The following CNTN1 variants were observed in gnomAD, a reference collection of about 807,000 sequenced individuals.
CNTN1 encodes contactin 1.
CNTN1 carries 38 observed loss-of-function variants against 126.4 expected under a neutral mutation model. The observed-to-expected ratio is 0.30, with a 90% CI of 0.23 to 0.39. The LOEUF (loss-of-function observed/expected upper bound fraction) is 0.39. Ranked by LOEUF, CNTN1 falls within the 10% of genes least tolerant of loss-of-function variation. CNTN1 has a pLI of 1.00. For synonymous variants in CNTN1, 413 were observed against 422.6 expected, an observed-to-expected ratio of 0.98 and a Z score of 0.28; for missense variants, 1,009 against 1,248.4, an observed-to-expected ratio of 0.81 and a Z score of 2.89.
chr12:41,056,608 A>C (rs1949807031), intron 23 of CNTN1, among the ~76,000 whole-genome samples: 1 of 152,012 alleles, frequency 6.6e-6, no homozygotes, highest in African/African-American at 2.4e-5. Flanking sequence ...TCCAACTCCA[A>C]ACCAAATTTT....
intron 23 of CNTN1, among the ~76,000 whole-genome samples, chr12:41,059,576 T>C (rs1190169351): frequency 6.6e-6 from 1 of 152,184 alleles, no homozygotes; most frequent in African/African-American, 2.4e-5. Context: ...TTTACTGTCT[T>C]TTAGGTATGT....
At chr12:40,881,987 A>C (rs1262676269) in intron 1 of CNTN1, among the ~76,000 whole-genome samples, 2 of 151,794 alleles carry the variant, frequency 1.3e-5, no homozygotes. Context: ...TGATCAGAGA[A>C]CAGCGTTTTT....
chr12:40,829,267 G>A (rs1941726084), intron 1 of CNTN1, among the ~76,000 whole-genome samples: 1 of 151,612 alleles, frequency 6.6e-6, no homozygotes, highest in South Asian at 2.1e-4. Context: ...TATTACTAGT[G>A]AATATATATA....
intron 1 of CNTN1, among the ~76,000 whole-genome samples, chr12:40,841,295 C>A (rs1027410980): frequency 2.0e-5 from 3 of 151,878 alleles, no homozygotes; most frequent in African/African-American, 7.2e-5. Flanking sequence ...AATAAAAAGT[C>A]TCTCAACATA....
chr12:40,754,528 A>T (rs1938525330), intron 1 of CNTN1, among the ~76,000 whole-genome samples: 1 of 151,568 alleles, frequency 6.6e-6, no homozygotes. Flanking sequence ...ATCCTTTTTT[A>T]TCCACAGTTG....
At chr12:40,938,203 G>A (rs949645900) in intron 11 of CNTN1, among the ~76,000 whole-genome samples, 1 of 152,158 alleles carries the variant, frequency 6.6e-6, no homozygotes, top group African/African-American at 2.4e-5. Context: ...TAAATGTGTG[G>A]ATGCTGAGGA....
intron 1 of CNTN1, among the ~76,000 whole-genome samples, chr12:40,891,848 T>G (rs1944250068): frequency 6.6e-6 from 1 of 152,128 alleles, no homozygotes; most frequent in South Asian, 2.1e-4. Context: ...CCAGCTTTGC[T>G]CTTTTTCTTC....
rs150547263 is a variant in CNTN1 at position 40,980,931 on chromosome 12, T to C, written c.1827T>C (p.Gly609=). ...VVRGPPGPPG[G]LRIEDIRATS... ...CAGGCCCTCCAGGCCCTCCAGGTGG[T>C]CTGAGAATAGAAGACATTAGAGCCA... Residue 609 remains glycine, a synonymous_variant, in exon 16 of 24, where the codon GGT becomes GGC. Coordinates refer to ENST00000551295, the MANE Select transcript of CNTN1 (RefSeq NM_001843.4). 2.6e-5 allele frequency: 42 copies of C among 1,613,864 alleles called. No homozygotes were observed. Among genetic ancestry groups the C allele is most frequent in the Non-Finnish European group, 3.3e-5 (39 of 1,179,942 alleles).
At chr12:40,786,109 G>A (rs6581955) in intron 1 of CNTN1, among the ~76,000 whole-genome samples, 121,774 of 152,234 alleles carry the variant, frequency 0.8, 49,010 homozygotes, top group South Asian at 0.86. Flanking sequence ...GACTAAAATC[G>A]AGGTATTGTT....
At chr12:40,968,156 C>A (rs1158418432) in intron 15 of CNTN1, among the ~76,000 whole-genome samples, 1 of 152,050 alleles carries the variant, frequency 6.6e-6, no homozygotes, top group African/African-American at 2.4e-5. Flanking sequence ...GGTTTGAATG[C>A]AGACAGTCTA....
intron 1 of CNTN1, among the ~76,000 whole-genome samples, chr12:40,903,620 C>G (rs766839723): frequency 6.6e-6 from 1 of 152,098 alleles, no homozygotes; most frequent in Non-Finnish European, 1.5e-5. Context: ...CACAATAGAA[C>G]AGATCACCAG....
chr12:41,014,074 T>C (rs542925529), intron 17 of CNTN1, among the ~76,000 whole-genome samples, 154 bp from the exon 18 acceptor site: 1 of 152,368 alleles, frequency 6.6e-6, no homozygotes, highest in South Asian at 2.1e-4. Context: ...GAGCCATTGT[T>C]ATTATAATTG....
At chr12:40,755,175 A>C (rs1938550120) in intron 1 of CNTN1, among the ~76,000 whole-genome samples, 1 of 133,464 alleles carries the variant, frequency 7.5e-6, no homozygotes, top group African/African-American at 2.9e-5. Context: ...AGGGCAACAG[A>C]GTGAGACCCC....
chr12:41,028,194 G>C (rs1949074660), intron 22 of CNTN1, among the ~76,000 whole-genome samples: 1 of 151,980 alleles, frequency 6.6e-6, no homozygotes, highest in Non-Finnish European at 1.5e-5. Context: ...CCCACACCCG[G>C]CTAATTTTTG....
At chr12:40,712,987 G>C (rs1592000493) in intron 1 of CNTN1, among the ~76,000 whole-genome samples, 1 of 151,970 alleles carries the variant, frequency 6.6e-6, no homozygotes, top group Admixed American at 6.6e-5. Context: ...AAAAAGTCTG[G>C]CACTTCCCTT....
At chr12:40,744,718 G>C (rs775895854) in intron 1 of CNTN1, among the ~76,000 whole-genome samples, 1 of 152,116 alleles carries the variant, frequency 6.6e-6, no homozygotes, top group Non-Finnish European at 1.5e-5. Context: ...GGATTAAAAG[G>C]TGGAAAGAAT....
chr12:40,763,862 A>G (rs1192655292), intron 1 of CNTN1, among the ~76,000 whole-genome samples: 2 of 152,220 alleles, frequency 1.3e-5, no homozygotes, highest in Non-Finnish European at 2.9e-5. Flanking sequence ...CATTTCCTGT[A>G]GCAGCTCTGC....
chr12:41,016,864 C>T lies in CNTN1; in HGVS notation c.2367C>T (p.Asn789=), dbSNP rs567330815. The T allele has an allele frequency of 2.5e-6, 4 of 1,614,094 alleles. No homozygotes were observed. Among genetic ancestry groups the T allele is most frequent in the East Asian group, 2.2e-5 (1 of 44,858 alleles). ...AFQVKVKAFN[N]KGDGPYSLVA... is the part of the protein sequence containing the mutation. ...AAGTTAAAGTCAAGGCCTTCAACAA[C>T]AAAGGAGATGGACCTTACAGCCTAG... Residue 789 remains asparagine, a synonymous_variant, in exon 19 of 24, where the codon AAC becomes AAT. Coordinates refer to ENST00000551295, the MANE Select transcript of CNTN1 (RefSeq NM_001843.4).
intron 23 of CNTN1, among the ~76,000 whole-genome samples, chr12:41,059,440 A>C (rs566579071): frequency 1.6e-4 from 24 of 152,180 alleles, no homozygotes; most frequent in African/African-American, 5.8e-4. Flanking sequence ...TCAACTCTCA[A>C]CTCATTACAT....
Sources: allele counts gnomAD v4.1 joint callset (sites outside exome capture counted in the v4.1 genomes callset), GRCh38; gene constraint gnomAD v4.1.1; transcripts MANE v1.5; gene names NCBI Gene and HGNC (gene_info 2026-07-23, HGNC 2026-07-21).